Variants in CA5B observed in about 807,000 individuals in gnomAD.
The protein encoded by CA5B is carbonic anhydrase 5B.
A neutral mutation model predicts 23.1 loss-of-function variants in CA5B; 15 were observed. That is an observed-to-expected ratio of 0.65 (90% confidence interval 0.43 to 1.00). The LOEUF is 1.00. Among genes scored for constraint, CA5B ranks in the 50% least tolerant of loss-of-function variants. CA5B has a pLI of 0.00. For synonymous variants in CA5B, 84 were observed against 98.5 expected (o/e 0.85, Z 0.87); for missense variants, 236 against 252.2 (o/e 0.94, Z 0.43).
intron 2 of CA5B, among the ~76,000 whole-genome samples, chrX:15,753,074 C>T (rs1217700084): frequency 1.8e-5 from 2 of 111,769 alleles, no homozygotes; most frequent in Non-Finnish European, 1.9e-5. Context: ...ATTGATGTCT[C>T]GTGCCTCTCT....
intron 7 of CA5B, among the ~76,000 whole-genome samples, chrX:15,779,631 G>T (rs55966271): frequency 0.32 from 35,867 of 110,597 alleles, 5,712 homozygotes; most frequent in Non-Finnish European, 0.49. Context: ...AGGCATTTGG[G>T]GGAAAAAAAT....
chrX:15,744,719 C>A (rs761955927), intron 1 of CA5B, among the ~76,000 whole-genome samples: 2 of 111,103 alleles, frequency 1.8e-5, no homozygotes, highest in South Asian at 7.5e-4. Context: ...CGGAAGGTTC[C>A]CCTGTCCATC....
At position 15,764,561 on chromosome X, in the gene CA5B, G is replaced by A. The variant is rs751538820; in HGVS notation, c.143-17G>A. 2.5e-6 allele frequency: 3 copies of A among 1,207,819 alleles called. No individual in the cohort carries two copies. The African/African-American group carries it at 5.3e-5, about 21-fold the overall frequency. ...GGTCCAACAGTCTTGATAATAGGCT[G>A]ACCTGCTTTCTCCTAGTGCATCCAC... On this transcript the variant is annotated splice_polypyrimidine_tract_variant and intron_variant, in intron 2 of 7. Transcript: ENST00000318636.
At chrX:15,741,518 C>T (rs1003398489) in intron 1 of CA5B, among the ~76,000 whole-genome samples, 3 of 109,052 alleles carry the variant, frequency 2.8e-5, no homozygotes, top group African/African-American at 1.0e-4. Context: ...CTTGCTGTGT[C>T]GCCCAGGCTG....
chrX:15,760,823 AT>A (rs1931589441), intron 2 of CA5B, among the ~76,000 whole-genome samples: 1 of 112,011 alleles, frequency 8.9e-6, no homozygotes, highest in African/African-American at 3.2e-5. Context: ...AATTAACACA[AT>A]TTGAATCATT....
chrX:15,781,678 C>A (rs966471193), intron 7 of CA5B, among the ~76,000 whole-genome samples: 1 of 111,438 alleles, frequency 9.0e-6, no homozygotes, highest in South Asian at 3.8e-4. Context: ...TTTGGGAGAC[C>A]TAGCTGGGAG....
intron 2 of CA5B, among the ~76,000 whole-genome samples, chrX:15,763,826 C>G (rs772740698): frequency 2.0e-4 from 22 of 112,261 alleles, no homozygotes; most frequent in Middle Eastern, 4.6e-3. Flanking sequence ...AACTCTCAGT[C>G]TGAGGCCAAA....
intron 2 of CA5B, among the ~76,000 whole-genome samples, chrX:15,752,900 A>G (rs1931405272): frequency 9.0e-6 from 1 of 111,425 alleles, no homozygotes; most frequent in Non-Finnish European, 1.9e-5. Context: ...CTTAACCTGA[A>G]CATTCCCTTT....
At position 15,757,626 on chromosome X, in the gene CA5B, T is replaced by C. The variant is rs180979034; in HGVS notation, c.143-6952T>C. Among the ~76,000 whole-genome samples, 4 of 108,421 alleles carry C rather than the reference T, an allele frequency of 3.7e-5. No homozygotes were observed. In the East Asian group the frequency reaches 1.2e-3, roughly 31 times the overall value. The allele number at this position is 108,421 out of a possible 115,157, so 94.2% of individuals were successfully genotyped here. The stretch of plus-strand genomic sequence containing the variant: ...GGGAGGCTGACGCAGGAAAATTGCT[T>C]GAACGCAGGAGGTGGAGGTTGCAGT... On this transcript the variant is annotated intron_variant, in intron 2 of 7. Transcript: ENST00000318636.
At chrX:15,747,453 G>A (rs1462396507) in intron 1 of CA5B, among the ~76,000 whole-genome samples, 1 of 109,750 alleles carries the variant, frequency 9.1e-6, no homozygotes, top group African/African-American at 3.3e-5. Flanking sequence ...AATACAATGA[G>A]GGATAAGTTG....
At position 15,772,617 on chromosome X, in the gene CA5B, A is replaced by G. The variant is rs781757260; in HGVS notation, c.459+3A>G. ...ACAGCAAATGCTTCCCAGCAGAGGT[A>G]TGTTGAGAAGGTCAGGAACAGTGAC... On this transcript the variant is annotated splice_donor_region_variant and intron_variant, in intron 4 of 7. Coordinates refer to ENST00000318636, the MANE Select transcript of CA5B (RefSeq NM_007220.4). 1.8e-6 allele frequency: 2 copies of G among 1,113,471 alleles called. No individual in the cohort carries two copies. The highest frequency in any genetic ancestry group is 4.5e-5 in the Admixed American group (2 of 44,878). The allele number at this position is 1,113,471 out of a possible 1,213,427, so 91.8% of individuals were successfully genotyped here. A position where few individuals can be genotyped will look rare whatever the true frequency, so the allele number is the denominator to read the frequency against.
chrX:15,774,583 C>T (rs1370928454), intron 5 of CA5B, among the ~76,000 whole-genome samples, 186 bp downstream of exon 5: 1 of 111,659 alleles, frequency 9.0e-6, no homozygotes, highest in Non-Finnish European at 1.9e-5. Context: ...CCTGTAATCC[C>T]AGCACTTTGG....
At chrX:15,769,351 C>T (rs1931774868) in intron 3 of CA5B, 2 of 326,163 alleles carry the variant, frequency 6.1e-6, no homozygotes, top group Non-Finnish European at 8.0e-6. Flanking sequence ...ATTTGGTTCC[C>T]CTGAGTAGGA....
At chrX:15,768,064 A>G (rs1404446388) in intron 3 of CA5B, among the ~76,000 whole-genome samples, 1 of 104,382 alleles carries the variant, frequency 9.6e-6, no homozygotes, top group Admixed American at 1.0e-4. Flanking sequence ...ACACCTGGCT[A>G]ATTTTTGTAT....
chrX:15,747,778 ATG>A (rs1931264273), intron 1 of CA5B, among the ~76,000 whole-genome samples: 1 of 111,615 alleles, frequency 9.0e-6, no homozygotes, highest in Non-Finnish European at 1.9e-5. Context: ...CAGGGTGCTA[ATG>A]ACGCGGCTTT....
Position 15,755,468 on chromosome X carries a change from A to G in CA5B, c.142+5303A>G, listed in dbSNP as rs1042620547. ...TCCCTGTGTATACACCCATCACTGC[A>G]TTAAGGCCAAGGCCTACACGGATAT... On this transcript the variant is annotated intron_variant, in intron 2 of 7. Transcript: ENST00000318636. Among the ~76,000 whole-genome samples, 10 of 112,613 alleles carry G rather than the reference A, an allele frequency of 8.9e-5. No homozygotes were observed. In the South Asian group the frequency reaches 1.8e-3, roughly 20 times the overall value.
chrX:15,779,406 CATACATAGACACAGTATTTAACCTGTCTG>C (rs1258170163), intron 7 of CA5B, among the ~76,000 whole-genome samples: 1 of 112,175 alleles, frequency 8.9e-6, no homozygotes, highest in Non-Finnish European at 1.9e-5. Context: ...CCTTCATAGA[CATACATAGACACAGTATTTAACCTGTCTG>C]TGCATCCCAT....
At chrX:15,771,503 C>T (rs1397536766) in intron 3 of CA5B, among the ~76,000 whole-genome samples, 4 of 109,681 alleles carry the variant, frequency 3.6e-5, no homozygotes, top group Admixed American at 9.7e-5. Flanking sequence ...CTCAGCTCAC[C>T]GCAACCTCCG....
chrX:15,757,707 CAA>C (rs757235598), intron 2 of CA5B, among the ~76,000 whole-genome samples: 3 of 45,800 alleles, frequency 6.6e-5, no homozygotes, highest in Non-Finnish European at 4.2e-5. Flanking sequence ...GACTCCATCT[CAA>C]AAAAAAAAAA....
Sources: allele counts gnomAD v4.1 joint callset (sites outside exome capture counted in the v4.1 genomes callset), GRCh38; gene constraint gnomAD v4.1.1; transcripts MANE v1.5; gene names NCBI Gene and HGNC (gene_info 2026-07-23, HGNC 2026-07-21).